Variants in SGCD observed in about 807,000 individuals in gnomAD.
SGCD encodes delta-sarcoglycan.
Under a neutral mutation model 36.6 loss-of-function variants are expected in SGCD, and 18 were observed. That is an observed-to-expected ratio of 0.49 (90% CI 0.34 to 0.73). The LOEUF is 0.73. Among genes scored for constraint, SGCD ranks in the 30% least tolerant of loss-of-function variants. The pLI is 0.01. For synonymous variants in SGCD, 133 were observed against 130.6 expected (o/e 1.02, Z -0.12); for missense variants, 387 against 346.7 (o/e 1.12, Z -0.92).
intron 1 of SGCD, among the ~76,000 whole-genome samples, chr5:156,049,993 G>C (rs2127580878): frequency 6.8e-6 from 1 of 146,950 alleles, no homozygotes; most frequent in African/African-American, 2.4e-5. Context: ...TTCAGATGGA[G>C]TCCACTCCTG....
chr5:156,559,496 AC>A (rs1226819179), intron 4 of SGCD, among the ~76,000 whole-genome samples: 2 of 152,158 alleles, frequency 1.3e-5, no homozygotes, highest in Non-Finnish European at 2.9e-5. Flanking sequence ...ATCTATGGTG[AC>A]CCAGGTAAAG....
chr5:156,289,402 C>T (rs1428654362), intron 3 of SGCD, among the ~76,000 whole-genome samples: 1 of 151,874 alleles, frequency 6.6e-6, no homozygotes, highest in African/African-American at 2.4e-5. Flanking sequence ...CCTACCAACC[C>T]ATCACCTGGG....
At chr5:155,969,728 A>G in intron 1 of SGCD, among the ~76,000 whole-genome samples, 1 of 152,044 alleles carries the variant, frequency 6.6e-6, no homozygotes, top group Non-Finnish European at 1.5e-5. Context: ...AGTTGTCCTG[A>G]GCATGACGTG....
chr5:155,743,789 G>C, the SGCD span, among the ~76,000 whole-genome samples: 2 of 152,176 alleles, frequency 1.3e-5, no homozygotes, highest in African/African-American at 4.8e-5. Flanking sequence ...GCAAGGAGCA[G>C]ATGAGGAAAA....
chr5:156,139,904 T>G (rs1397914252), intron 3 of SGCD, among the ~76,000 whole-genome samples: 1 of 152,180 alleles, frequency 6.6e-6, no homozygotes, highest in Non-Finnish European at 1.5e-5. Flanking sequence ...GGAATGAGAT[T>G]GACACCTTTG....
rs990695976 is a variant in SGCD, at chr5:155,871,640, G to T, written c.-282+1216G>T. ...GAATTGCTACTTTTTGAGCATCAGT[G>T]GTGTAGCAGGCACTGTGTTATGGAG... On this transcript the variant is annotated intron_variant, in intron 1 of 9. Transcript: ENST00000517913. 2.0e-5 allele frequency among the ~76,000 whole-genome samples: 3 copies of T among 152,128 alleles called. No individual in the cohort carries two copies. The East Asian group carries it at 5.8e-4, about 29-fold the overall frequency.
intron 3 of SGCD, among the ~76,000 whole-genome samples, chr5:156,257,586 G>A (rs1017325515): frequency 5.3e-5 from 8 of 151,592 alleles, no homozygotes; most frequent in Middle Eastern, 3.5e-3. Context: ...TCCTTGGGTC[G>A]GGCGCGGTGG....
chr5:156,461,523 TAGG>T (rs1205081728), intron 3 of SGCD, among the ~76,000 whole-genome samples: 7 of 152,164 alleles, frequency 4.6e-5, no homozygotes, highest in Admixed American at 6.5e-5. Context: ...ATAATTTTCT[TAGG>T]GGGAAAAACC....
chr5:155,873,287 A>T (rs982940915), intron 1 of SGCD, among the ~76,000 whole-genome samples: 99 of 151,934 alleles, frequency 6.5e-4, no homozygotes, highest in East Asian at 4.4e-3. Flanking sequence ...TACATTTTTT[A>T]AAAAAAAGTT....
upstream of SGCD, among the ~76,000 whole-genome samples, chr5:155,866,326 C>A (rs116839005): frequency 0.011 from 1,605 of 152,254 alleles, 31 homozygotes; most frequent in African/African-American, 0.037. Flanking sequence ...TGGATTCAGG[C>A]TGAGGTGTCA....
chr5:156,400,944 G>A (rs979052787), intron 3 of SGCD, among the ~76,000 whole-genome samples: 2 of 152,222 alleles, frequency 1.3e-5, no homozygotes, highest in Admixed American at 6.5e-5. Context: ...CAGAGTGTCT[G>A]TAGGATAACC....
rs1433992751 is a variant in SGCD at position 156,761,338 on chromosome 5, C to G, written c.*1948C>G. On this transcript the variant is annotated 3_prime_UTR_variant, in exon 9 of 9. Coordinates refer to ENST00000337851, the MANE Select transcript of SGCD (RefSeq NM_000337.6). ...CACTCCAAGCACTCTTGTTCAATAT[C>G]TCATGCAGAAGAGTTGGGCTGGTCA... The G allele has an allele frequency of 6.6e-6, 1 of 152,202 alleles. No homozygotes were observed. The allele number at this position is 152,202 out of a possible 1,614,324, so 9.4% of individuals were successfully genotyped here.
chr5:156,114,038 CAGAGAA>C (rs1272495161), intron 1 of SGCD, among the ~76,000 whole-genome samples: 3 of 151,932 alleles, frequency 2.0e-5, no homozygotes, highest in Non-Finnish European at 4.4e-5. Context: ...ATTTTTAGGG[CAGAGAA>C]ACTACTCTGT....
At chr5:156,533,863 C>A (rs190903438) in intron 4 of SGCD, among the ~76,000 whole-genome samples, 375 of 152,314 alleles carry the variant, frequency 2.5e-3, no homozygotes, top group African/African-American at 8.9e-3. Context: ...ATTCCTTGAA[C>A]TGTTCCTTCA....
intron 3 of SGCD, among the ~76,000 whole-genome samples, chr5:156,210,813 C>G (rs1363529842): frequency 6.6e-6 from 1 of 151,826 alleles, no homozygotes; most frequent in Admixed American, 6.6e-5. Flanking sequence ...ATGGAATTTA[C>G]AGAAGAGCAT....
intron 7 of SGCD, among the ~76,000 whole-genome samples, chr5:156,678,853 C>A (rs1333832278): frequency 6.6e-6 from 1 of 152,172 alleles, no homozygotes; most frequent in African/African-American, 2.4e-5. Context: ...GAGACAGACA[C>A]CGAAGCATTT....
intron 3 of SGCD, among the ~76,000 whole-genome samples, chr5:156,485,096 A>C (rs987569861): frequency 3.9e-5 from 6 of 152,164 alleles, no homozygotes; most frequent in Admixed American, 1.3e-4. Context: ...CCTAAGAAAC[A>C]GAGGTACTCT....
At chr5:155,755,174 A>ATTATTAACTTTAATTTACAGAAAT in the SGCD span, among the ~76,000 whole-genome samples, 46 of 152,310 alleles carry the variant, frequency 3.0e-4, no homozygotes, top group Non-Finnish European at 6.0e-4. Context: ...ATGGAGAAAT[A>ATTATTAACTTTAATTTACAGAAAT]TTATTAACTT....
At chr5:155,796,806 C>CAAAAA in the SGCD span, among the ~76,000 whole-genome samples, 814 of 51,300 alleles carry the variant, frequency 0.016, 60 homozygotes, top group African/African-American at 0.058. Context: ...AACTCCATCT[C>CAAAAA]AAAAAAAAAA....
Sources: allele counts gnomAD v4.1 joint callset (sites outside exome capture counted in the v4.1 genomes callset), GRCh38; gene constraint gnomAD v4.1.1; transcripts MANE v1.5; gene names NCBI Gene and HGNC (gene_info 2026-07-23, HGNC 2026-07-21).